BLM: variants seen among roughly 807,000 people sequenced by gnomAD.
BLM encodes the protein BLM RecQ like helicase, also known as recQ-like DNA helicase BLM.
Under a neutral mutation model 135.3 loss-of-function variants are expected in BLM, and 95 were observed. The observed-to-expected ratio is 0.70, with a 90% CI of 0.59 to 0.83. The LOEUF (loss-of-function observed/expected upper bound fraction) is 0.83, where lower values mean the gene tolerates loss of function less well. Ranked by LOEUF, BLM falls within the 40% of genes least tolerant of loss-of-function variation. The pLI is 0.00. For missense variants in BLM, 1,518 were observed against 1,663.9 expected (o/e 0.91, Z 1.53); for synonymous variants, 520 against 589.2 (o/e 0.88, Z 1.70).
chr15:90,742,470 G>A (rs190169241), intron 1 of BLM, among the ~76,000 whole-genome samples: 1 of 152,138 alleles, frequency 6.6e-6, no homozygotes, highest in Non-Finnish European at 1.5e-5. Flanking sequence ...ACAACAAAAT[G>A]AATAAAAAGT....
chr15:90,753,627 T>C (rs1895744463), intron 4 of BLM, among the ~76,000 whole-genome samples: 1 of 152,262 alleles, frequency 6.6e-6, no homozygotes, highest in African/African-American at 2.4e-5. Flanking sequence ...ATTTTCACAA[T>C]ATTTTTTGTG....
At chr15:90,790,378 T>G in intron 14 of BLM, 1 of 460,756 alleles carries the variant, frequency 2.2e-6, no homozygotes. Flanking sequence ...TGATTCTGGC[T>G]CTCTTACATG....
intron 5 of BLM, chr15:90,755,247 T>C (rs1001037797): frequency 2.9e-5 from 10 of 349,828 alleles, no homozygotes; most frequent in Non-Finnish European, 5.2e-5. Context: ...TATTTACAAA[T>C]GAGAACTTCC....
chr15:90,746,559 G>A (rs146147510), intron 1 of BLM, among the ~76,000 whole-genome samples: 8 of 152,206 alleles, frequency 5.3e-5, no homozygotes, highest in African/African-American at 1.9e-4. Context: ...AGTGGAACAC[G>A]GCTTATGCGA....
chr15:90,780,779 C>T (rs1216965246), intron 12 of BLM, among the ~76,000 whole-genome samples: 1 of 152,200 alleles, frequency 6.6e-6, no homozygotes, highest in African/African-American at 2.4e-5. Flanking sequence ...AAAAATGTCA[C>T]ATAGTTACTG....
At position 90,815,560 on chromosome 15, in the gene BLM, G is replaced by A. The variant is rs1022962205; in HGVS notation, c.*281G>A. 1.5e-4 allele frequency: 66 copies of A among 437,366 alleles called. No individual in the cohort carries two copies. Among genetic ancestry groups the A allele is most frequent in the Admixed American group, 1.1e-3 (26 of 24,624 alleles). 27.1% of individuals were successfully genotyped at this position (437,366 alleles called of 1,614,324 possible). The stretch of plus-strand genomic sequence containing the variant: ...GTGCAAGAGCTTCTGAGCATAACAC[G>A]AAACCCAGAAGCCAAAGGAAGAGCC... On this transcript the variant is annotated 3_prime_UTR_variant, in exon 22 of 22. Transcript: ENST00000355112. This position sits in a 1 kb window ranked among gnomAD's most constrained non-coding sequence, Gnocchi z 4.6.
At chr15:90,802,991 C>G (rs1305039044) in intron 17 of BLM, among the ~76,000 whole-genome samples, 1 of 151,926 alleles carries the variant, frequency 6.6e-6, no homozygotes, top group Non-Finnish European at 1.5e-5. Context: ...ACTAGATGCA[C>G]TTAAATATTT....
At chr15:90,768,725 T>A (rs1896207461) in intron 10 of BLM, among the ~76,000 whole-genome samples, 1 of 152,178 alleles carries the variant, frequency 6.6e-6, no homozygotes, top group African/African-American at 2.4e-5. Flanking sequence ...GGTGTTTTTG[T>A]TTTTGTTTTT....
Position 90,732,083 on chromosome 15 carries a change from T to G in BLM, c.-5+14643T>G, listed in dbSNP as rs186428737. ...TTTCTAATAATTAGGGTCATCCATT[T>G]TCTTGTAACTACTTCTTTAGTTGCA... On this transcript the variant is annotated intron_variant, in intron 1 of 21. Transcript: ENST00000355112. Among the ~76,000 whole-genome samples, 32 of 152,338 alleles carry G rather than the reference T, an allele frequency of 2.1e-4. No homozygotes were observed. The East Asian group carries it at 6.2e-3, about 29-fold the overall frequency.
chr15:90,751,347 T>A (rs1341114675), intron 3 of BLM, among the ~76,000 whole-genome samples: 1 of 152,236 alleles, frequency 6.6e-6, no homozygotes, highest in African/African-American at 2.4e-5. Context: ...ATTTGGGTTG[T>A]GTTTTCCCAC....
intron 17 of BLM, among the ~76,000 whole-genome samples, chr15:90,801,792 A>G (rs1196397636): frequency 6.6e-6 from 1 of 152,198 alleles, no homozygotes; most frequent in African/African-American, 2.4e-5. Flanking sequence ...ACAGTGGCCC[A>G]TGTCTGTAAT....
At chr15:90,789,996 T>TGG (rs1896860877) in intron 14 of BLM, among the ~76,000 whole-genome samples, 1 of 63,914 alleles carries the variant, frequency 1.6e-5, no homozygotes, top group African/African-American at 8.7e-5. Flanking sequence ...TGTTTTTTTT[T>TGG]TTTTTTTTTT....
chr15:90,803,139 C>T (rs1897201390), intron 17 of BLM, among the ~76,000 whole-genome samples: 1 of 147,078 alleles, frequency 6.8e-6, no homozygotes, highest in Non-Finnish European at 1.5e-5. Flanking sequence ...CTCCAACCTC[C>T]ACAATAGAGT....
At chr15:90,811,866 C>G (rs1182279580) in intron 21 of BLM, among the ~76,000 whole-genome samples, 1 of 152,110 alleles carries the variant, frequency 6.6e-6, no homozygotes, top group Non-Finnish European at 1.5e-5. Context: ...CCATGTTGCC[C>G]AGGCTGGTCT....
chr15:90,773,095 C>CAAAAAAAAAA (rs780966709), intron 12 of BLM, among the ~76,000 whole-genome samples: 6 of 43,428 alleles, frequency 1.4e-4, no homozygotes, highest in Admixed American at 2.9e-4. Flanking sequence ...GAGACTGTCT[C>CAAAAAAAAAA]AAAAAAAAAA....
intron 1 of BLM, among the ~76,000 whole-genome samples, chr15:90,731,019 C>T (rs1429030629): frequency 6.6e-6 from 1 of 152,054 alleles, no homozygotes; most frequent in Non-Finnish European, 1.5e-5. Context: ...GACTTCAGCT[C>T]ACTGCAGCCT....
chr15:90,755,016 T>C, intron 5 of BLM, 78 bp downstream of exon 5: 2 of 1,540,600 alleles, frequency 1.3e-6, no homozygotes, highest in Non-Finnish European at 1.8e-6. Flanking sequence ...GATTGTGTTT[T>C]GAACCTGTGG....
rs775004288 is a variant in BLM, at chr15:90,766,956, C to T, written c.2240C>T (p.Thr747Ile). Residue 747 changes from threonine to isoleucine, a missense_variant, in exon 10 of 22, where the codon ACA becomes ATA. Coordinates refer to ENST00000355112, the MANE Select transcript of BLM (RefSeq NM_000057.4). ...GGTGATAAGACTGACTCAGAAGCTA[C>T]AAATATTTACCTCCAGTTATCAAAA... ...LTGDKTDSEATNIYLQLSKKD... is the reference protein window; with the variant it reads ...LTGDKTDSEAINIYLQLSKKD... 5 of 1,606,162 alleles carry T rather than the reference C, an allele frequency of 3.1e-6. No homozygotes were observed. The East Asian group carries it at 6.7e-5, about 22-fold the overall frequency.
chr15:90,776,503 G>C (rs567283832), intron 12 of BLM, among the ~76,000 whole-genome samples: 1 of 152,068 alleles, frequency 6.6e-6, no homozygotes, highest in South Asian at 2.1e-4. Context: ...TGTGTGATAC[G>C]CTTTTCTAAT....
Sources: allele counts gnomAD v4.1 joint callset (sites outside exome capture counted in the v4.1 genomes callset), GRCh38; gene constraint gnomAD v4.1.1; non-coding constraint Gnocchi (gnomAD v3.1); transcripts MANE v1.5; gene names NCBI Gene and HGNC (gene_info 2026-07-23, HGNC 2026-07-21).